IL1RAPL2: variants seen among roughly 807,000 people sequenced by gnomAD.
The protein encoded by IL1RAPL2 is interleukin 1 receptor accessory protein like 2.
Under a neutral mutation model 44.1 loss-of-function variants are expected in IL1RAPL2, and 3 were observed. That is an observed-to-expected ratio of 0.07 (90% CI 0.03 to 0.18). The LOEUF (loss-of-function observed/expected upper bound fraction) is 0.18. IL1RAPL2 is among the 10% of genes least tolerant of loss of function. IL1RAPL2 has a pLI of 1.00. For missense variants in IL1RAPL2, 391 were observed against 496.4 expected (o/e 0.79, Z 2.02); for synonymous variants, 181 against 178.8 (o/e 1.01, Z -0.10).
At chrX:104,714,449 A>G (rs1409518802) in intron 2 of IL1RAPL2, among the ~76,000 whole-genome samples, 1 of 110,408 alleles carries the variant, frequency 9.1e-6, no homozygotes, top group Non-Finnish European at 1.9e-5. Flanking sequence ...AGGAGATCTG[A>G]TGGTTTTATA....
At chrX:104,826,961 T>TTTG (rs1282338351) in intron 2 of IL1RAPL2, among the ~76,000 whole-genome samples, 1 of 95,309 alleles carries the variant, frequency 1.0e-5, no homozygotes, top group Non-Finnish European at 2.1e-5. Flanking sequence ...TTTTTTTTTT[T>TTTG]GCTTTCCATT....
intron 6 of IL1RAPL2, among the ~76,000 whole-genome samples, chrX:105,544,845 C>A (rs1427006774): frequency 9.1e-6 from 1 of 110,236 alleles, no homozygotes; most frequent in Non-Finnish European, 1.9e-5. Context: ...TGTGTGTGCA[C>A]CAATTTAATT....
At chrX:105,369,333 T>C (rs2035319924) in intron 5 of IL1RAPL2, among the ~76,000 whole-genome samples, 1 of 111,279 alleles carries the variant, frequency 9.0e-6, no homozygotes, top group Non-Finnish European at 1.9e-5. Context: ...CACCCAGAGA[T>C]TCTTAGTGCC....
At chrX:105,447,373 A>T (rs1164119937) in intron 5 of IL1RAPL2, among the ~76,000 whole-genome samples, 1 of 68,199 alleles carries the variant, frequency 1.5e-5, no homozygotes, top group Non-Finnish European at 2.3e-5. Context: ...AAATATAAAT[A>T]TATAAATATA....
At chrX:105,361,111 TGGCAGGA>T (rs1333189567) in intron 5 of IL1RAPL2, among the ~76,000 whole-genome samples, 1 of 111,465 alleles carries the variant, frequency 9.0e-6, no homozygotes, top group African/African-American at 3.3e-5. Context: ...TGTTTGAAGG[TGGCAGGA>T]GGCAGGAGGG....
intron 3 of IL1RAPL2, 99 bp from the exon 4 acceptor site, chrX:105,233,719 G>A: frequency 1.5e-6 from 1 of 656,512 alleles, no homozygotes; most frequent in Admixed American, 3.2e-5. Flanking sequence ...TTCTAGGCAA[G>A]GTCCTAAATG....
chrX:105,077,268 G>A (rs1279154319), intron 2 of IL1RAPL2, among the ~76,000 whole-genome samples: 1 of 111,250 alleles, frequency 9.0e-6, no homozygotes, highest in Non-Finnish European at 1.9e-5. Context: ...GCATTTGCTT[G>A]TCTGTAAAGT....
intron 5 of IL1RAPL2, among the ~76,000 whole-genome samples, chrX:105,368,860 G>C (rs1040990860): frequency 9.1e-6 from 1 of 110,097 alleles, no homozygotes; most frequent in Non-Finnish European, 1.9e-5. Flanking sequence ...CCCTTGGGCT[G>C]TCTTTAATCT....
chrX:104,921,223 C>A (rs1367270999), intron 2 of IL1RAPL2, among the ~76,000 whole-genome samples: 1 of 111,299 alleles, frequency 9.0e-6, no homozygotes, highest in Non-Finnish European at 1.9e-5. Context: ...ACAGCAAAAG[C>A]TGACTCTGAG....
At chrX:105,125,357 A>G (rs1354423637) in intron 2 of IL1RAPL2, among the ~76,000 whole-genome samples, 4 of 110,835 alleles carry the variant, frequency 3.6e-5, no homozygotes, top group African/African-American at 1.3e-4. Flanking sequence ...TTAAAAAGTC[A>G]TTTAATTATC....
At chrX:104,925,060 A>C (rs888878328) in intron 2 of IL1RAPL2, among the ~76,000 whole-genome samples, 10 of 110,414 alleles carry the variant, frequency 9.1e-5, no homozygotes, top group Admixed American at 7.7e-4. Context: ...ATCAGATATC[A>C]CTATGAATAT....
At chrX:105,058,811 C>T (rs1357129594) in intron 2 of IL1RAPL2, among the ~76,000 whole-genome samples, 1 of 111,773 alleles carries the variant, frequency 8.9e-6, no homozygotes, top group African/African-American at 3.3e-5. Flanking sequence ...ATGAACAAGA[C>T]TTGGCACCAA....
chrX:104,688,254 C>A (rs1347812013), intron 2 of IL1RAPL2, among the ~76,000 whole-genome samples: 2 of 112,050 alleles, frequency 1.8e-5, no homozygotes, highest in African/African-American at 6.5e-5. Context: ...TCACTAACCA[C>A]CCCCAAAATT....
chrX:105,300,506 C>G (rs1271679220), intron 5 of IL1RAPL2, among the ~76,000 whole-genome samples: 3 of 111,088 alleles, frequency 2.7e-5, no homozygotes, highest in Non-Finnish European at 3.8e-5. Flanking sequence ...TTACCTCCTA[C>G]CAGGCCCCAA....
intron 6 of IL1RAPL2, among the ~76,000 whole-genome samples, chrX:105,606,343 C>G (rs2147824681): frequency 9.0e-6 from 1 of 111,277 alleles, no homozygotes; most frequent in Non-Finnish European, 1.9e-5. Context: ...CGAAGCAAAA[C>G]CACAATAAGA....
In IL1RAPL2 at chrX:105,734,207, T is replaced by C. The variant is rs1602545864; in HGVS notation, c.903-6339T>C. ...TGTTGTGGAACATATTTCAAAATTC[T>C]ATGATGTCACTGCCTTTAGTGAGCT... On this transcript the variant is annotated intron_variant, in intron 7 of 10. Transcript: ENST00000372582. Among the ~76,000 whole-genome samples the C allele has an allele frequency of 2.7e-5, 3 of 110,773 alleles. No individual in the cohort carries two copies. In the East Asian group the frequency reaches 8.6e-4, roughly 32 times the overall value.
intron 1 of IL1RAPL2, among the ~76,000 whole-genome samples, chrX:104,655,011 G>T (rs1393950015): frequency 9.0e-6 from 1 of 111,499 alleles, no homozygotes; most frequent in Non-Finnish European, 1.9e-5. Context: ...TGTGATTTTT[G>T]TACATTGATT....
chrX:105,052,466 T>A (rs1353140232), intron 2 of IL1RAPL2, among the ~76,000 whole-genome samples: 2 of 111,940 alleles, frequency 1.8e-5, no homozygotes, highest in Admixed American at 1.9e-4. Flanking sequence ...AAATTAGGTG[T>A]CTGTGTAATA....
intron 2 of IL1RAPL2, among the ~76,000 whole-genome samples, chrX:104,906,044 G>A (rs1459894755): frequency 4.6e-5 from 5 of 109,264 alleles, no homozygotes; most frequent in African/African-American, 1.7e-4. Flanking sequence ...GGATTCCTAG[G>A]TATTTTATTC....
Sources: gnomAD v4.1 joint callset for allele counts (sites outside exome capture counted in the v4.1 genomes callset) on GRCh38, gnomAD v4.1.1 for gene constraint, MANE v1.5 for transcripts, NCBI Gene and HGNC (gene_info 2026-07-23, HGNC 2026-07-21) for gene names.